Variants in PRR16 observed in about 807,000 individuals in gnomAD.
PRR16 encodes proline rich 16, also known as protein Largen.
A neutral mutation model predicts 18.2 loss-of-function variants in PRR16; 6 were observed. The observed-to-expected ratio is 0.33, with a 90% CI of 0.18 to 0.65. The LOEUF is 0.65. Ranked by LOEUF, PRR16 falls within the 30% of genes least tolerant of loss-of-function variation. The pLI, the probability that PRR16 is intolerant of heterozygous loss-of-function variation, is 0.74. For missense variants in PRR16, 412 were observed against 376.6 expected, an observed-to-expected ratio of 1.09 and a Z score of -0.78; for synonymous variants, 151 against 147.8, an observed-to-expected ratio of 1.02 and a Z score of -0.16.
the PRR16 span, among the ~76,000 whole-genome samples, chr5:120,771,017 T>C: frequency 2.8e-5 from 4 of 141,626 alleles, no homozygotes; most frequent in Non-Finnish European, 6.4e-5. Context: ...TATTATTGGA[T>C]TTGAGAATTC....
intron 1 of PRR16, among the ~76,000 whole-genome samples, chr5:120,585,611 T>C (rs1753414239): frequency 6.7e-6 from 1 of 148,374 alleles, no homozygotes; most frequent in Non-Finnish European, 1.5e-5. Context: ...GAGTGAGACT[T>C]GGTCTAAAAA....
intron 1 of PRR16, among the ~76,000 whole-genome samples, chr5:120,515,860 T>C (rs751845734): frequency 1.1e-4 from 16 of 152,220 alleles, no homozygotes; most frequent in Non-Finnish European, 2.1e-4. Context: ...TTTTATGCTT[T>C]ATTCAGTTGG....
At chr5:120,477,679 T>C (rs1749485832) in intron 1 of PRR16, among the ~76,000 whole-genome samples, 1 of 152,208 alleles carries the variant, frequency 6.6e-6, no homozygotes, top group African/African-American at 2.4e-5. Context: ...CTCATTTTAC[T>C]CAAAGTCAGA....
chr5:120,761,137 C>T, the PRR16 span, among the ~76,000 whole-genome samples: 4 of 151,978 alleles, frequency 2.6e-5, no homozygotes, highest in Non-Finnish European at 5.9e-5. Context: ...AATCAAGACT[C>T]AAGGCCCTCC....
intron 1 of PRR16, among the ~76,000 whole-genome samples, chr5:120,577,751 T>C (rs947895065): frequency 1.3e-5 from 2 of 152,200 alleles, no homozygotes; most frequent in African/African-American, 4.8e-5. Flanking sequence ...TCTCATTTAT[T>C]GAATGATGAA....
At chr5:120,783,055 G>C in the PRR16 span, among the ~76,000 whole-genome samples, 1 of 152,256 alleles carries the variant, frequency 6.6e-6, no homozygotes, top group Non-Finnish European at 1.5e-5. Flanking sequence ...TCCTTAGGCA[G>C]TGCTCGCACT....
intron 1 of PRR16, among the ~76,000 whole-genome samples, chr5:120,591,002 G>T (rs1040432624): frequency 1.3e-5 from 2 of 152,012 alleles, no homozygotes; most frequent in African/African-American, 4.8e-5. Flanking sequence ...ACTGTAGGCT[G>T]GGTGTGGTGT....
At chr5:120,483,717 C>A (rs1203715331) in intron 1 of PRR16, among the ~76,000 whole-genome samples, 1 of 151,940 alleles carries the variant, frequency 6.6e-6, no homozygotes, top group Non-Finnish European at 1.5e-5. Context: ...TTTTATTGTG[C>A]TTGTCAGTAA....
chr5:120,778,872 G>A, the PRR16 span, among the ~76,000 whole-genome samples: 1 of 152,124 alleles, frequency 6.6e-6, no homozygotes, highest in African/African-American at 2.4e-5. Context: ...TTTTATGGCT[G>A]AAAAGCATCA....
At chr5:120,517,823 A>G (rs1369453081) in intron 1 of PRR16, among the ~76,000 whole-genome samples, 1 of 152,174 alleles carries the variant, frequency 6.6e-6, no homozygotes, top group East Asian at 1.9e-4. Context: ...CAGTACTAGA[A>G]GGCCTGGGTT....
chr5:120,782,083 G>A, the PRR16 span, among the ~76,000 whole-genome samples: 112 of 152,188 alleles, frequency 7.4e-4, 4 homozygotes, highest in South Asian at 0.02. Flanking sequence ...TTCTTCTGTA[G>A]TGACTCTTGA....
chr5:120,724,452 T>C, the PRR16 span, among the ~76,000 whole-genome samples: 17 of 152,098 alleles, frequency 1.1e-4, no homozygotes, highest in Non-Finnish European at 2.4e-4. Flanking sequence ...AAATTAAATG[T>C]GTTTATTCAG....
chr5:120,727,761 T>C, the PRR16 span, among the ~76,000 whole-genome samples: 20 of 152,070 alleles, frequency 1.3e-4, no homozygotes, highest in African/African-American at 4.6e-4. Context: ...CATAGATATG[T>C]TAGATATCTA....
intron 1 of PRR16, among the ~76,000 whole-genome samples, chr5:120,497,384 AT>A (rs765496177): frequency 7.6e-4 from 64 of 84,170 alleles, no homozygotes; most frequent in Admixed American, 1.8e-3. Flanking sequence ...TGATGAACTG[AT>A]TTTTTTTTTT....
chr5:120,772,611 CT>C, the PRR16 span, among the ~76,000 whole-genome samples: 3 of 151,968 alleles, frequency 2.0e-5, no homozygotes, highest in Non-Finnish European at 2.9e-5. Flanking sequence ...AGTCAACCAC[CT>C]AGAAGGGCTG....
chr5:120,684,198 A>T (rs1178558666), intron 1 of PRR16, among the ~76,000 whole-genome samples: 1 of 152,236 alleles, frequency 6.6e-6, no homozygotes, highest in Admixed American at 6.5e-5. Flanking sequence ...GCTAAAATAG[A>T]AAATACTAGA....
the PRR16 span, among the ~76,000 whole-genome samples, chr5:120,779,702 C>T: frequency 0.27 from 41,135 of 152,046 alleles, 5,928 homozygotes; most frequent in Non-Finnish European, 0.32. Context: ...TTACAACTCT[C>T]TGATTGCAAA....
intron 1 of PRR16, among the ~76,000 whole-genome samples, chr5:120,542,400 A>G (rs1033933752): frequency 6.6e-6 from 1 of 152,178 alleles, no homozygotes; most frequent in African/African-American, 2.4e-5. Context: ...GAGTACCTAT[A>G]TACTCTTCAC....
chr5:120,581,501 T>C (rs1225626549), intron 1 of PRR16, among the ~76,000 whole-genome samples: 1 of 152,184 alleles, frequency 6.6e-6, no homozygotes, highest in Admixed American at 6.5e-5. Flanking sequence ...TGGAGGTTTT[T>C]CCGTGAATCT....
Sources: allele counts gnomAD v4.1 joint callset (sites outside exome capture counted in the v4.1 genomes callset), GRCh38; gene constraint gnomAD v4.1.1; transcripts MANE v1.5; gene names NCBI Gene and HGNC (gene_info 2026-07-23, HGNC 2026-07-21).